Variants in DIP2C observed in about 807,000 individuals in gnomAD.
DIP2C encodes the protein disco-interacting protein 2 homolog C.
DIP2C carries 33 observed loss-of-function variants against 192.4 expected under a neutral mutation model. That is an observed-to-expected ratio of 0.17 (90% confidence interval 0.13 to 0.23). The LOEUF is 0.23. Ranked by LOEUF, DIP2C falls within the 10% of genes least tolerant of loss-of-function variation. The pLI is 1.00. For missense variants in DIP2C, 1,537 were observed against 2,110.1 expected (o/e 0.73, Z 5.32); for synonymous variants, 979 against 864.1 (o/e 1.13, Z -2.33).
chr10:689,663 A>T lies in DIP2C; in HGVS notation c.-85T>A. ...GGCTCCTCGCGCCCGGCGGAACCGC[A>T]CCGAGGAGGAGGCGGCGGCGCGGGC... On this transcript the variant is annotated 5_prime_UTR_variant, in exon 1 of 37. Coordinates refer to ENST00000280886, the MANE Select transcript of DIP2C (RefSeq NM_014974.3). This position sits in a 1 kb window ranked among gnomAD's most constrained non-coding sequence, Gnocchi z 6.1. The T allele has an allele frequency of 1.1e-6, 1 of 927,600 alleles. No homozygotes were observed. The highest frequency in any genetic ancestry group is 4.9e-5 in the South Asian group (1 of 20,344). 57.5% of individuals were successfully genotyped at this position (927,600 alleles called of 1,614,324 possible). A position where few individuals can be genotyped will look rare whatever the true frequency, so the allele number is the denominator to read the frequency against.
At chr10:516,136 C>T (rs749896486) in intron 1 of DIP2C, among the ~76,000 whole-genome samples, 1 of 149,138 alleles carries the variant, frequency 6.7e-6, no homozygotes, top group African/African-American at 2.5e-5. Context: ...CCTTTGTCCT[C>T]CATCCTGTTA....
intron 32 of DIP2C, among the ~76,000 whole-genome samples, chr10:296,722 G>C (rs1412323209): frequency 1.3e-5 from 2 of 152,080 alleles, no homozygotes; most frequent in African/African-American, 4.8e-5. Flanking sequence ...AAAAGGATGA[G>C]TTCATGTTCT....
rs1328665763 is a variant in DIP2C at position 326,995 on chromosome 10, C to T, written c.3924+11G>A. 1 of 1,607,248 alleles carries T rather than the reference C, an allele frequency of 6.2e-7. No homozygotes were observed. The highest frequency in any genetic ancestry group is 1.7e-5 in the Admixed American group (1 of 59,642). The stretch of plus-strand genomic sequence containing the variant: ...CTTCCCACTCAGCACTGTGATGTCG[C>T]CGAATCTCACCTGCAAGCAAATCGC... On this transcript the variant is annotated intron_variant, in intron 31 of 36. Transcript: ENST00000280886.
chr10:337,049 G>GGTTGTGTGT (rs1554822490), intron 29 of DIP2C, among the ~76,000 whole-genome samples: 2 of 37,964 alleles, frequency 5.3e-5, no homozygotes, highest in African/African-American at 2.5e-4. Context: ...GGCCTAGACT[G>GGTTGTGTGT]GTGTGTGTGT....
intron 31 of DIP2C, among the ~76,000 whole-genome samples, chr10:320,236 C>G (rs1209440314): frequency 6.6e-6 from 1 of 152,194 alleles, no homozygotes; most frequent in Non-Finnish European, 1.5e-5. Flanking sequence ...TGTATTTACA[C>G]ACACAGATTG....
chr10:350,731 C>T (rs565857841), intron 24 of DIP2C, among the ~76,000 whole-genome samples: 9 of 149,386 alleles, frequency 6.0e-5, no homozygotes, highest in Non-Finnish European at 8.9e-5. Context: ...CTCCGCCTTC[C>T]GGATTCAAGC....
intron 17 of DIP2C, chr10:370,174 C>T: frequency 3.7e-6 from 2 of 538,254 alleles, no homozygotes; most frequent in Non-Finnish European, 4.7e-6. Flanking sequence ...TACGCTGTGC[C>T]ATTGTGGCTG....
At chr10:660,802 C>T (rs1182094552) in intron 1 of DIP2C, among the ~76,000 whole-genome samples, 1 of 152,180 alleles carries the variant, frequency 6.6e-6, no homozygotes, top group Admixed American at 6.5e-5. Flanking sequence ...GCCACCGCAA[C>T]GGGATCCACT....
chr10:364,162 T>C (rs945173164), intron 20 of DIP2C, among the ~76,000 whole-genome samples: 2 of 152,212 alleles, frequency 1.3e-5, no homozygotes, highest in Non-Finnish European at 2.9e-5. Flanking sequence ...AATGGAAATA[T>C]ATTTATGGAG....
chr10:579,501 A>G (rs1564223232), intron 1 of DIP2C, among the ~76,000 whole-genome samples: 1 of 151,888 alleles, frequency 6.6e-6, no homozygotes, highest in African/African-American at 2.4e-5. Context: ...TAAGTGCACT[A>G]TGTGTGTACA....
chr10:514,957 ACTT>A (rs975592039), intron 1 of DIP2C, among the ~76,000 whole-genome samples: 1 of 152,220 alleles, frequency 6.6e-6, no homozygotes, highest in African/African-American at 2.4e-5. Context: ...GCTTTTTTTA[ACTT>A]CTTTTATACA....
intron 31 of DIP2C, chr10:311,658 C>A: frequency 1.8e-6 from 2 of 1,098,440 alleles, no homozygotes; most frequent in South Asian, 4.6e-5. Context: ...ACATACGACC[C>A]GACAGTGAAA....
At chr10:668,613 A>G (rs967488653) in intron 1 of DIP2C, 6 of 152,278 alleles carry the variant, frequency 3.9e-5, no homozygotes, top group African/African-American at 7.2e-5. Context: ...CACATACAAC[A>G]CACATACAAC....
intron 1 of DIP2C, among the ~76,000 whole-genome samples, chr10:512,432 C>T (rs1033086121): frequency 1.3e-5 from 2 of 151,982 alleles, no homozygotes; most frequent in Admixed American, 1.3e-4. Context: ...AAAAAATTAG[C>T]TGGGCGTGGT....
chr10:650,623 T>G (rs1017239780), intron 1 of DIP2C, among the ~76,000 whole-genome samples: 7 of 152,176 alleles, frequency 4.6e-5, no homozygotes, highest in Non-Finnish European at 8.8e-5. Context: ...ACCTTCCACC[T>G]GCCGAGGGCC....
intron 3 of DIP2C, among the ~76,000 whole-genome samples, chr10:445,389 C>T (rs143967400): frequency 0.016 from 2,445 of 151,456 alleles, 72 homozygotes; most frequent in African/African-American, 0.056. Flanking sequence ...GCCCACTGGG[C>T]ATCTGTATAT....
At chr10:459,552 C>T (rs1014580855) in intron 3 of DIP2C, among the ~76,000 whole-genome samples, 8 of 152,242 alleles carry the variant, frequency 5.3e-5, no homozygotes, top group Admixed American at 3.9e-4. Context: ...GTTCTAGTAT[C>T]TTCCTCTCAG....
At chr10:536,824 G>T (rs1847721633) in intron 1 of DIP2C, among the ~76,000 whole-genome samples, 1 of 152,156 alleles carries the variant, frequency 6.6e-6, no homozygotes, top group South Asian at 2.1e-4. Context: ...AATCCAAAGG[G>T]AAAAGGCAGT....
chr10:672,367 G>A (rs2119029366), intron 1 of DIP2C, among the ~76,000 whole-genome samples: 1 of 152,348 alleles, frequency 6.6e-6, no homozygotes, highest in Admixed American at 6.5e-5. Context: ...ACGCCAGTGT[G>A]GAACATCGGA....
Sources: allele counts gnomAD v4.1 joint callset (sites outside exome capture counted in the v4.1 genomes callset), GRCh38; gene constraint gnomAD v4.1.1; non-coding constraint Gnocchi (gnomAD v3.1); transcripts MANE v1.5; gene names NCBI Gene and HGNC (gene_info 2026-07-23, HGNC 2026-07-21).